Variants in INSL6 observed in about 807,000 individuals in gnomAD.
INSL6 encodes insulin-like peptide INSL6.
Under a neutral mutation model 9.4 loss-of-function variants are expected in INSL6, and 16 were observed. That is an observed-to-expected ratio of 1.70 (90% CI 1.15 to 2.59). INSL6 has a LOEUF of 2.59. Among genes scored for constraint, INSL6 ranks in the 30% most tolerant of loss-of-function variants. The probability of loss-of-function intolerance (pLI) is 0.00; values close to 1 mark genes in which losing one functional copy is unlikely to be tolerated. For synonymous variants in INSL6, 154 were observed against 96.9 expected (o/e 1.59, Z -3.46); for missense variants, 391 against 257.3 (o/e 1.52, Z -3.56).
chr9:5,130,839 C>T (rs554704358), intron 3 of INSL6, among the ~76,000 whole-genome samples: 1 of 151,154 alleles, frequency 6.6e-6, no homozygotes, highest in Non-Finnish European at 1.5e-5. Context: ...TGCCATTCTC[C>T]TGCCTCAGCC....
chr9:5,074,764 A>T, the INSL6 span, among the ~76,000 whole-genome samples: 1 of 152,220 alleles, frequency 6.6e-6, no homozygotes, highest in Non-Finnish European at 1.5e-5. Context: ...GCTAGAAATG[A>T]AGCAGCAAAC....
intron 2 of INSL6, among the ~76,000 whole-genome samples, chr9:5,139,347 C>A (rs1303507726): frequency 6.6e-6 from 1 of 151,968 alleles, no homozygotes; most frequent in Non-Finnish European, 1.5e-5. Flanking sequence ...ATTAATTGCA[C>A]AACAATTTGA....
downstream of INSL6, among the ~76,000 whole-genome samples, chr9:5,162,472 T>C (rs1473533010): frequency 1.3e-5 from 2 of 152,216 alleles, no homozygotes; most frequent in Non-Finnish European, 2.9e-5. Flanking sequence ...ATAAGTAAGC[T>C]AACAAGCTGC....
At chr9:5,114,314 TG>T in the INSL6 span, 2 of 542,652 alleles carry the variant, frequency 3.7e-6, no homozygotes, top group South Asian at 3.2e-5. Flanking sequence ...CCCAGGCCAG[TG>T]GGAAGTCTGT....
chr9:5,031,136 A>G, the INSL6 span, among the ~76,000 whole-genome samples: 458 of 152,310 alleles, frequency 3.0e-3, 1 homozygote, highest in African/African-American at 0.011. Flanking sequence ...ACAAAGATCA[A>G]TTTCTCTTAT....
At chr9:5,097,925 T>A in the INSL6 span, 9 of 152,272 alleles carry the variant, frequency 5.9e-5, no homozygotes, top group Admixed American at 5.2e-4. Flanking sequence ...AGGTGTTAAT[T>A]TAACCTTTTT....
chr9:5,174,803 C>T (rs1371672999), intron 1 of INSL6, among the ~76,000 whole-genome samples: 1 of 152,186 alleles, frequency 6.6e-6, no homozygotes, highest in African/African-American at 2.4e-5. Flanking sequence ...CAAAATTCAA[C>T]ATGTCCAAAA....
the INSL6 span, chr9:5,109,533 C>T: frequency 6.6e-6 from 1 of 152,132 alleles, no homozygotes; most frequent in Non-Finnish European, 1.5e-5. Flanking sequence ...GCCCTAATCG[C>T]CTTAATCACA....
the INSL6 span, chr9:5,085,029 T>G: frequency 2.4e-6 from 2 of 818,632 alleles, no homozygotes; most frequent in South Asian, 2.6e-5. Context: ...TTCTGAAAGT[T>G]GAATGAGGGC....
At chr9:5,144,245 T>C (rs984519387) in intron 2 of INSL6, among the ~76,000 whole-genome samples, 1 of 152,240 alleles carries the variant, frequency 6.6e-6, no homozygotes, top group African/African-American at 2.4e-5. Flanking sequence ...GATTTCTCCT[T>C]CATTTCATTA....
chr9:5,062,335 G>C, the INSL6 span, among the ~76,000 whole-genome samples: 1 of 151,556 alleles, frequency 6.6e-6, no homozygotes, highest in Admixed American at 6.6e-5. Flanking sequence ...TTACATCAAA[G>C]GTCATTGATC....
At chr9:5,143,150 T>C (rs1271772377) in intron 2 of INSL6, among the ~76,000 whole-genome samples, 1 of 152,176 alleles carries the variant, frequency 6.6e-6, no homozygotes. Flanking sequence ...CTTGAAGTTT[T>C]CTTTTTTTTG....
the INSL6 span, among the ~76,000 whole-genome samples, chr9:5,068,668 T>C: frequency 1.7e-3 from 253 of 152,278 alleles, no homozygotes; most frequent in African/African-American, 5.9e-3. Context: ...GGAGCTGAGA[T>C]TGGAGATGGA....
the INSL6 span, among the ~76,000 whole-genome samples, chr9:5,087,398 C>A: frequency 6.6e-6 from 1 of 152,190 alleles, no homozygotes; most frequent in Admixed American, 6.5e-5. Context: ...CCACCAGGTC[C>A]TTCCAATGAC....
At chr9:5,168,957 C>G (rs1274643125) in intron 1 of INSL6, among the ~76,000 whole-genome samples, 1 of 150,340 alleles carries the variant, frequency 6.7e-6, no homozygotes, top group African/African-American at 2.5e-5. Flanking sequence ...TGGAGTTTCA[C>G]TCTTGTCACC....
At chr9:5,065,256 C>T in the INSL6 span, among the ~76,000 whole-genome samples, 1 of 152,026 alleles carries the variant, frequency 6.6e-6, no homozygotes, top group Non-Finnish European at 1.5e-5. Flanking sequence ...ATAAGTTGTA[C>T]AAGTTTAACA....
the INSL6 span, among the ~76,000 whole-genome samples, chr9:5,082,586 C>T: frequency 7.9e-5 from 12 of 152,348 alleles, no homozygotes; most frequent in South Asian, 1.9e-3. Context: ...AGACCCTTCA[C>T]GGATGTTGGG....
In INSL6 at chr9:5,185,542, G is replaced by C; in HGVS notation, c.61C>G (p.Arg21Gly). 6.2e-7 allele frequency: 1 copy of C among 1,614,056 alleles called. No homozygotes were observed. The highest frequency in any genetic ancestry group is 8.5e-7 in the Non-Finnish European group (1 of 1,180,006). ...GCACTGCTGATGTCGCTCAGTTCAC[G>C]AGAAAACCGAACCAGCAGGAGTCCA... ...WLGLLLVRFS[R>G]ELSDISSARK... The change falls in exon 1 of 2, where the codon CGT becomes GGT. Residue 21 changes from arginine to glycine, a missense_variant. Coordinates refer to ENST00000381641, the MANE Select transcript of INSL6 (RefSeq NM_007179.3).
At chr9:5,106,087 G>A in the INSL6 span, among the ~76,000 whole-genome samples, 1 of 152,126 alleles carries the variant, frequency 6.6e-6, no homozygotes, top group African/African-American at 2.4e-5. Flanking sequence ...CTAAACAGCT[G>A]CACAGCAAAA....
Sources: allele counts gnomAD v4.1 joint callset (sites outside exome capture counted in the v4.1 genomes callset), GRCh38; gene constraint gnomAD v4.1.1; transcripts MANE v1.5; gene names NCBI Gene and HGNC (gene_info 2026-07-23, HGNC 2026-07-21).